GPATCH8: variants seen among roughly 807,000 people sequenced by gnomAD.
GPATCH8 encodes the protein G-patch domain containing 8.
Under a neutral mutation model 118.3 loss-of-function variants are expected in GPATCH8, and 18 were observed. That is an observed-to-expected ratio of 0.15 (90% confidence interval 0.11 to 0.23). GPATCH8 has a LOEUF of 0.23. Ranked by LOEUF, GPATCH8 falls within the 10% of genes least tolerant of loss-of-function variation. The pLI is 1.00. For missense variants in GPATCH8, 1,631 were observed against 1,873.8 expected (o/e 0.87, Z 2.39); for synonymous variants, 659 against 684.7 (o/e 0.96, Z 0.59).
intron 6 of GPATCH8, among the ~76,000 whole-genome samples, chr17:44,407,010 T>G (rs1180584856): frequency 1.3e-5 from 2 of 152,170 alleles, no homozygotes; most frequent in African/African-American, 4.8e-5. Flanking sequence ...AACCTATGCT[T>G]TTACAACAGC....
At chr17:44,494,330 A>AC (rs1306565604) in intron 1 of GPATCH8, among the ~76,000 whole-genome samples, 1 of 152,010 alleles carries the variant, frequency 6.6e-6, no homozygotes, top group Non-Finnish European at 1.5e-5. Flanking sequence ...GGTGGCTCAC[A>AC]CCCGTAATCC....
chr17:44,401,071 C>G lies in GPATCH8; in HGVS notation c.1006G>C (p.Glu336Gln), dbSNP rs753118288. The G allele has an allele frequency of 7.4e-6, 12 of 1,614,094 alleles. 1 individual carries two copies. In the South Asian group the frequency reaches 1.3e-4, roughly 18 times the overall value. ...TGCAGTCCTTGGTCAGAACTCTTCT[C>G]ATCGGGTTTTGTTCCATCTTCAGAG... is the stretch of plus-strand genomic sequence containing the variant. ...GTSEDGTKPD[E>Q]KSSDQGLQKV... Residue 336 changes from glutamate (E) to glutamine (Q), a missense_variant, in exon 8 of 8, where the codon GAG becomes CAG. By Grantham distance (29) the Glu-to-Gln change is conservative. This residue lies in a region of GPATCH8 where 405 missense variants were observed against 462.7 expected (regional missense o/e 0.88). Transcript: ENST00000591680.
intron 6 of GPATCH8, among the ~76,000 whole-genome samples, chr17:44,413,098 C>G (rs190533020): frequency 6.6e-6 from 1 of 152,148 alleles, no homozygotes; most frequent in African/African-American, 2.4e-5. Context: ...GGGAAAGCCA[C>G]GTTACTGAAC....
At chr17:44,464,352 GA>G in intron 3 of GPATCH8, 119 bp downstream of exon 3, 16 of 772,104 alleles carry the variant, frequency 2.1e-5, no homozygotes, top group East Asian at 4.9e-5. Flanking sequence ...ACTCTAAGGG[GA>G]AAAAGGTAGT....
intron 1 of GPATCH8, among the ~76,000 whole-genome samples, chr17:44,478,462 G>A (rs1967943182): frequency 6.6e-6 from 1 of 151,978 alleles, no homozygotes; most frequent in African/African-American, 2.4e-5. Flanking sequence ...ATCAACTTGG[G>A]CAACATAGCG....
chr17:44,471,542 T>C (rs1967277541), intron 2 of GPATCH8, among the ~76,000 whole-genome samples: 1 of 152,212 alleles, frequency 6.6e-6, no homozygotes, highest in Admixed American at 6.5e-5. Context: ...CAATGATCTG[T>C]AGACTCCCAA....
intron 3 of GPATCH8, among the ~76,000 whole-genome samples, chr17:44,447,616 C>A (rs2144141951): frequency 6.6e-6 from 1 of 151,628 alleles, no homozygotes; most frequent in East Asian, 1.9e-4. Flanking sequence ...ATATTATCAC[C>A]ACCTTTTTTT....
intron 3 of GPATCH8, among the ~76,000 whole-genome samples, chr17:44,441,854 C>G (rs188847389): frequency 7.3e-5 from 11 of 151,636 alleles, no homozygotes; most frequent in African/African-American, 2.7e-4. Context: ...CATGGTGAAA[C>G]CCTGTATCTA....
At chr17:44,472,963 G>A (rs1023469663) in intron 2 of GPATCH8, among the ~76,000 whole-genome samples, 1 of 151,872 alleles carries the variant, frequency 6.6e-6, no homozygotes, top group African/African-American at 2.4e-5. Context: ...CAAAGTGCTG[G>A]GATTACAGGC....
chr17:44,493,780 C>T (rs939754326), intron 1 of GPATCH8, among the ~76,000 whole-genome samples: 5 of 152,174 alleles, frequency 3.3e-5, no homozygotes, highest in African/African-American at 1.2e-4. Flanking sequence ...AACTTCAGTT[C>T]TGCACTAGGC....
chr17:44,480,634 C>T (rs1365591653), intron 1 of GPATCH8, among the ~76,000 whole-genome samples: 1 of 151,050 alleles, frequency 6.6e-6, no homozygotes, highest in South Asian at 2.1e-4. Flanking sequence ...GCAGGAGAAT[C>T]GCTTGAACCC....
Position 44,399,361 on chromosome 17 carries a change from T to C in GPATCH8, c.2716A>G (p.Lys906Glu). ...DYSDRSRRHS[K>E]RSHDSDDSDY... The stretch of plus-strand genomic sequence containing the variant: ...GAGTCATCTGAGTCATGGGAGCGCT[T>C]GGAGTGCCTTCGTGATCTGTCACTG... The change falls in exon 8 of 8, where the codon AAG becomes GAG. Residue 906 changes from lysine to glutamate, a missense_variant. Coordinates refer to ENST00000591680, the MANE Select transcript of GPATCH8 (RefSeq NM_001002909.4). 1 of 1,614,148 alleles carries C rather than the reference T, an allele frequency of 6.2e-7. No individual in the cohort carries two copies. The highest frequency in any genetic ancestry group is 8.5e-7 in the Non-Finnish European group (1 of 1,180,004).
intron 3 of GPATCH8, among the ~76,000 whole-genome samples, chr17:44,464,227 C>T (rs911086075): frequency 6.6e-6 from 1 of 152,182 alleles, no homozygotes; most frequent in African/African-American, 2.4e-5. Flanking sequence ...GGCTGAGCCA[C>T]ACACAGTATG....
chr17:44,477,981 T>C (rs1967912284), intron 1 of GPATCH8, among the ~76,000 whole-genome samples: 1 of 127,852 alleles, frequency 7.8e-6, no homozygotes, highest in Non-Finnish European at 1.7e-5. Context: ...GGCTAATTTT[T>C]GTATTTTTAG....
chr17:44,406,692 T>C (rs2143711068), intron 6 of GPATCH8, among the ~76,000 whole-genome samples: 1 of 152,214 alleles, frequency 6.6e-6, no homozygotes, highest in African/African-American at 2.4e-5. Flanking sequence ...CTGCTGAAAG[T>C]AGTATGTGAG....
rs2143569306 is a variant in GPATCH8, at chr17:44,397,719, G to A, written c.4358C>T (p.Thr1453Ile). ...PASAIHPGPF[T>I]FHPVPHAALY... ...GGCAGCATGTGGGACAGGGTGAAAG[G>A]TGAAGGGCCCAGGATGGATGGCTGA... Residue 1453 changes from threonine to isoleucine, a missense_variant, in exon 8 of 8, where the codon ACC (threonine) becomes ATC (isoleucine). By Grantham distance (89) the Thr-to-Ile change is moderately conservative. This residue lies in a region of GPATCH8 where 65 missense variants were observed against 105.3 expected (regional missense o/e 0.62). Coordinates refer to ENST00000591680, the MANE Select transcript of GPATCH8 (RefSeq NM_001002909.4). The A allele has an allele frequency of 6.2e-7, 1 of 1,606,964 alleles. No individual in the cohort carries two copies. Among genetic ancestry groups the A allele is most frequent in the Non-Finnish European group, 8.5e-7 (1 of 1,175,510 alleles).
intron 3 of GPATCH8, among the ~76,000 whole-genome samples, chr17:44,451,023 ACAT>A (rs2051093252): frequency 6.6e-6 from 1 of 152,218 alleles, no homozygotes. Flanking sequence ...TAAATTTGTT[ACAT>A]TATTTGTTTC....
intron 2 of GPATCH8, among the ~76,000 whole-genome samples, chr17:44,472,798 C>A (rs1207629291): frequency 6.6e-6 from 1 of 151,982 alleles, no homozygotes; most frequent in Non-Finnish European, 1.5e-5. Context: ...CAGGTTCAAG[C>A]CATTCTCCTG....
Position 44,398,360 on chromosome 17 carries a change from G to A in GPATCH8, c.3717C>T (p.Ile1239=), listed in dbSNP as rs928325298. Reference sequence around the variant, plus strand: ...TGGGGTCGGGGAGGTAGTTATGGGAGATGGTTGGGTCCCCAGGGTAGCAGT... The same window carrying A: ...TGGGGTCGGGGAGGTAGTTATGGGAAATGGTTGGGTCCCCAGGGTAGCAGT... The part of the protein sequence containing the change: ...HSDCYPGDPT[I]SHNYLPDPSD... Residue 1239 remains isoleucine, a synonymous_variant, in exon 8 of 8, where the codon ATC becomes ATT. Coordinates refer to ENST00000591680, the MANE Select transcript of GPATCH8 (RefSeq NM_001002909.4). 1.9e-6 allele frequency: 3 copies of A among 1,614,114 alleles called. No homozygotes were observed. Among genetic ancestry groups the A allele is most frequent in the African/African-American group, 2.7e-5 (2 of 75,048 alleles).
Sources: gnomAD v4.1 joint callset for allele counts (sites outside exome capture counted in the v4.1 genomes callset) on GRCh38, gnomAD v4.1.1 for gene constraint, gnomAD v4.1.1 regional missense constraint, MANE v1.5 for transcripts, NCBI Gene and HGNC (gene_info 2026-07-23, HGNC 2026-07-21) for gene names.